YEATS4: variants seen among roughly 807,000 people sequenced by gnomAD.
YEATS4 encodes YEATS domain-containing protein 4.
In YEATS4, 17 loss-of-function variants were observed where a neutral mutation model predicts 30.1. That is an observed-to-expected ratio of 0.56 (90% CI 0.39 to 0.85). The LOEUF is 0.85. YEATS4 is among the 40% of genes least tolerant of loss of function. The pLI, the probability that YEATS4 is intolerant of heterozygous loss-of-function variation, is 0.00. For synonymous variants in YEATS4, 85 were observed against 87.5 expected (o/e 0.97, Z 0.16); for missense variants, 142 against 268.3 (o/e 0.53, Z 3.29).
At position 69,390,626 on chromosome 12, in the gene YEATS4, A is replaced by C. The variant is rs946900126; in HGVS notation, c.*310A>C. On this transcript the variant is annotated 3_prime_UTR_variant, in exon 7 of 7. Transcript: ENST00000247843. ...CTTATTACCCTTTTGACAGGCATCAAAATTTCATTATAAAGTATTACTTGT... is the reference window on the plus strand; with the variant it reads ...CTTATTACCCTTTTGACAGGCATCACAATTTCATTATAAAGTATTACTTGT... 3 of 163,114 alleles carry C rather than the reference A, an allele frequency of 1.8e-5. No individual in the cohort carries two copies. The highest frequency in any genetic ancestry group is 7.2e-5 in the African/African-American group (3 of 41,902). The allele number at this position is 163,114 out of a possible 1,614,324, so 10.1% of individuals were successfully genotyped here. A position where few individuals can be genotyped will look rare whatever the true frequency, so the allele number is the denominator to read the frequency against.
At chr12:69,362,558 A>G (rs1317168318) in intron 1 of YEATS4, among the ~76,000 whole-genome samples, 6 of 152,184 alleles carry the variant, frequency 3.9e-5, no homozygotes, top group Non-Finnish European at 7.3e-5. Context: ...AGCGCTTTAC[A>G]TGGTAATTTA....
intron 6 of YEATS4, among the ~76,000 whole-genome samples, chr12:69,378,770 C>G (rs1439701105): frequency 1.3e-5 from 2 of 152,142 alleles, no homozygotes; most frequent in African/African-American, 4.8e-5. Flanking sequence ...ATCGGTTCAT[C>G]TTTTCATATT....
At chr12:69,405,718 G>A in the YEATS4 span, among the ~76,000 whole-genome samples, 1 of 152,186 alleles carries the variant, frequency 6.6e-6, no homozygotes, top group African/African-American at 2.4e-5. Flanking sequence ...GGGCAGGATG[G>A]AGTGGAACTG....
chr12:69,426,563 G>T, the YEATS4 span, among the ~76,000 whole-genome samples: 2 of 152,074 alleles, frequency 1.3e-5, no homozygotes, highest in Admixed American at 6.6e-5. Flanking sequence ...TAGAGACAGG[G>T]TTTTATCATA....
rs1010051207 is a variant in YEATS4 at position 69,375,730 on chromosome 12, G to A, written c.514+4755G>A. 8.6e-5 allele frequency among the ~76,000 whole-genome samples: 13 copies of A among 152,008 alleles called. No homozygotes were observed. In the South Asian group the frequency reaches 1.0e-3, roughly 12 times the overall value. ...AGCCCAGCCAACACGGCGAAACCCC[G>A]TCTCCACCAAAAAATACAAAAACTG... On this transcript the variant is annotated intron_variant, in intron 6 of 6. Coordinates refer to ENST00000247843, the MANE Select transcript of YEATS4 (RefSeq NM_006530.4).
the YEATS4 span, among the ~76,000 whole-genome samples, chr12:69,396,391 T>C: frequency 6.6e-6 from 1 of 152,206 alleles, no homozygotes. Context: ...ATTCAGCATT[T>C]CCTGACTGAA....
At chr12:69,363,027 C>T in intron 2 of YEATS4, 120 bp downstream of exon 2, 1 of 941,806 alleles carries the variant, frequency 1.1e-6, no homozygotes, top group South Asian at 2.4e-5. Flanking sequence ...GAGTCTTGCT[C>T]TGTCGCCCAG....
Position 69,390,363 on chromosome 12 carries a change from G to A in YEATS4, c.*47G>A, listed in dbSNP as rs1278777195. The A allele has an allele frequency of 1.4e-6, 2 of 1,479,154 alleles. No individual in the cohort carries two copies. Among genetic ancestry groups the A allele is most frequent in the Non-Finnish European group, 1.8e-6 (2 of 1,113,458 alleles). The allele number at this position is 1,479,154 out of a possible 1,614,324, so 91.6% of individuals were successfully genotyped here. ...TAGTAAGCTAAACTGAAAATAAGGT[G>A]GGCTTCACTGGAGAAATGGACTTAC... On this transcript the variant is annotated 3_prime_UTR_variant, in exon 7 of 7. Coordinates refer to ENST00000247843, the MANE Select transcript of YEATS4 (RefSeq NM_006530.4).
the YEATS4 span, among the ~76,000 whole-genome samples, chr12:69,418,832 C>A: frequency 6.6e-6 from 1 of 151,800 alleles, no homozygotes; most frequent in Non-Finnish European, 1.5e-5. Flanking sequence ...ACATGTAGTC[C>A]TAATTTCTTG....
chr12:69,409,706 A>G, the YEATS4 span, among the ~76,000 whole-genome samples: 1 of 152,292 alleles, frequency 6.6e-6, no homozygotes, highest in Non-Finnish European at 1.5e-5. Flanking sequence ...GTTCCCTCCA[A>G]AATACATATG....
chr12:69,395,026 C>T (rs1433975560), downstream of YEATS4, among the ~76,000 whole-genome samples: 1 of 152,268 alleles, frequency 6.6e-6, no homozygotes, highest in Non-Finnish European at 1.5e-5. Flanking sequence ...GAGGAAACAG[C>T]TACCCTCATA....
chr12:69,412,916 G>C, the YEATS4 span, among the ~76,000 whole-genome samples: 29 of 152,180 alleles, frequency 1.9e-4, no homozygotes, highest in African/African-American at 7.0e-4. Context: ...AGTGGATATA[G>C]GGAGGAAAGA....
intron 6 of YEATS4, among the ~76,000 whole-genome samples, chr12:69,384,288 T>G (rs1177160938): frequency 7.0e-6 from 1 of 142,190 alleles, no homozygotes. Flanking sequence ...GTGCTCACAT[T>G]TTTCTGTTTT....
chr12:69,398,464 T>C, the YEATS4 span, among the ~76,000 whole-genome samples: 1 of 151,970 alleles, frequency 6.6e-6, no homozygotes, highest in Non-Finnish European at 1.5e-5. Flanking sequence ...TAATAACATC[T>C]AAAAAAATAA....
At chr12:69,369,281 A>C (rs1289913286) in intron 4 of YEATS4, among the ~76,000 whole-genome samples, 3 of 152,140 alleles carry the variant, frequency 2.0e-5, no homozygotes, top group South Asian at 2.1e-4. Flanking sequence ...ATTATAGGTG[A>C]TCCTTTTTCG....
intron 6 of YEATS4, among the ~76,000 whole-genome samples, chr12:69,377,521 A>T (rs1875915800): frequency 6.6e-6 from 1 of 152,122 alleles, no homozygotes; most frequent in South Asian, 2.1e-4. Flanking sequence ...TCAGCCTCCC[A>T]AAGTGCTGGG....
chr12:69,365,074 A>C (rs1180740966), intron 2 of YEATS4, among the ~76,000 whole-genome samples: 1 of 152,236 alleles, frequency 6.6e-6, no homozygotes, highest in Non-Finnish European at 1.5e-5. Context: ...TTGCCAAAAA[A>C]AAAGTTAATT....
intron 2 of YEATS4, among the ~76,000 whole-genome samples, chr12:69,364,915 C>T (rs960968275): frequency 5.9e-5 from 9 of 152,080 alleles, no homozygotes; most frequent in East Asian, 1.9e-4. Flanking sequence ...CCACCGTGCC[C>T]GGCGTATGTG....
chr12:69,370,608 A>G (rs2291005), intron 4 of YEATS4, 98 bp from the exon 5 acceptor site: 423,521 of 960,502 alleles, frequency 0.44, 95,668 homozygotes, highest in Non-Finnish European at 0.46. Context: ...TTTGACATGT[A>G]TATACTTATT....
Sources: allele counts gnomAD v4.1 joint callset (sites outside exome capture counted in the v4.1 genomes callset), GRCh38; gene constraint gnomAD v4.1.1; transcripts MANE v1.5; gene names NCBI Gene and HGNC (gene_info 2026-07-23, HGNC 2026-07-21).